The following SLCO1B3 variants were observed in gnomAD, a reference collection of about 807,000 sequenced individuals.
The protein encoded by SLCO1B3 is liver-specific organic anion transporter 2.
Under a neutral mutation model 71.8 loss-of-function variants are expected in SLCO1B3, and 72 were observed. The observed-to-expected ratio is 1.00, with a 90% CI of 0.83 to 1.22. The LOEUF (loss-of-function observed/expected upper bound fraction) is 1.22. SLCO1B3 is among the 50% of genes most tolerant of loss of function. SLCO1B3 has a pLI of 0.00. For missense variants in SLCO1B3, 911 were observed against 819.7 expected, an observed-to-expected ratio of 1.11 and a Z score of -1.36; for synonymous variants, 298 against 278.4, an observed-to-expected ratio of 1.07 and a Z score of -0.70.
chr12:20,895,879 A>G (rs60078687), intron 13 of SLCO1B3, among the ~76,000 whole-genome samples: 4,899 of 152,196 alleles, frequency 0.032, 239 homozygotes, highest in African/African-American at 0.11. Context: ...ATTTCCATAC[A>G]TCTTCTGAAA....
chr12:20,887,012 CT>C (rs1452095492), intron 13 of SLCO1B3, among the ~76,000 whole-genome samples: 2 of 151,950 alleles, frequency 1.3e-5, no homozygotes, highest in African/African-American at 2.4e-5. Flanking sequence ...GGATAATGGC[CT>C]CCATTTCTAT....
chr12:20,860,022 C>T (rs1404471168), intron 5 of SLCO1B3, among the ~76,000 whole-genome samples: 3 of 141,314 alleles, frequency 2.1e-5, no homozygotes, highest in Non-Finnish European at 4.5e-5. Context: ...GTGGCGCGAT[C>T]TCGGCTCACT....
Position 20,862,830 on chromosome 12 carries a change from G to C in SLCO1B3, c.703G>C (p.Val235Leu). The C allele has an allele frequency of 6.3e-6, 10 of 1,594,916 alleles. No homozygotes were observed. Among genetic ancestry groups the C allele is most frequent in the Non-Finnish European group, 8.6e-6 (10 of 1,162,588 alleles). ...ALGSLFAKMY[V>L]DIGYVDLSTI... ...GGGATCTCTGTTTGCTAAAATGTAC[G>C]TGGATATTGGATATGTAGATCTGAG... The change falls in exon 8 of 16, where the codon GTG becomes CTG. Residue 235 changes from valine (V) to leucine (L), a missense_variant. Val to Leu is a conservative substitution (Grantham distance 32). Transcript: ENST00000381545.
intron 15 of SLCO1B3, chr12:20,901,852 T>A (rs1299377090): frequency 4.7e-6 from 2 of 426,438 alleles, no homozygotes; most frequent in Middle Eastern, 3.4e-4. Context: ...ATATGGTAAT[T>A]GAGGAAAGAA....
At chr12:20,851,209 T>C (rs182877139) in intron 3 of SLCO1B3, among the ~76,000 whole-genome samples, 37 of 152,294 alleles carry the variant, frequency 2.4e-4, no homozygotes, top group African/African-American at 8.4e-4. Flanking sequence ...ATGGCTTCTA[T>C]GGTAATTCTG....
At chr12:20,865,019 T>C (rs916338962) in intron 8 of SLCO1B3, among the ~76,000 whole-genome samples, 5 of 152,216 alleles carry the variant, frequency 3.3e-5, no homozygotes, top group African/African-American at 1.2e-4. Flanking sequence ...GGCTTTCTGA[T>C]TGGTTTTCCA....
chr12:20,869,821 C>G (rs1418053193), intron 8 of SLCO1B3, among the ~76,000 whole-genome samples: 2 of 152,216 alleles, frequency 1.3e-5, no homozygotes, highest in East Asian at 3.9e-4. Context: ...CTGTGAGATC[C>G]TAATTTCGAT....
chr12:20,834,711 T>TG (rs1864637008), intron 3 of SLCO1B3, among the ~76,000 whole-genome samples: 1 of 152,092 alleles, frequency 6.6e-6, no homozygotes, highest in Admixed American at 6.5e-5. Context: ...CCTGTGGCTT[T>TG]GCAGGGAACA....
intron 15 of SLCO1B3, among the ~76,000 whole-genome samples, chr12:20,911,371 C>T (rs906833957): frequency 6.6e-6 from 1 of 152,050 alleles, no homozygotes; most frequent in Non-Finnish European, 1.5e-5. Context: ...ACTTCTGCAC[C>T]TGTATTTGTG....
chr12:20,852,084 A>AT lies in SLCO1B3; in HGVS notation c.85-2943dup, dbSNP rs567337089. On this transcript the variant is annotated intron_variant, in intron 3 of 15. Transcript: ENST00000381545. ...CTGCAGTATATTTTGAAAACAGGAA[A>AT]TATGAAGCATCCAGCTGTGTTATTC... Among the ~76,000 whole-genome samples the AT allele has an allele frequency of 8.2e-4, 125 of 152,322 alleles. 2 individuals carry two copies. The South Asian group carries it at 0.025, about 30-fold the overall frequency.
At chr12:20,849,744 C>T (rs11612771) in intron 3 of SLCO1B3, among the ~76,000 whole-genome samples, 3,177 of 148,016 alleles carry the variant, frequency 0.021, 53 homozygotes, top group South Asian at 0.051. Context: ...CACACACACA[C>T]ATATTACTTG....
chr12:20,893,666 C>G (rs1425796245), intron 13 of SLCO1B3, among the ~76,000 whole-genome samples: 1 of 152,008 alleles, frequency 6.6e-6, no homozygotes, highest in African/African-American at 2.4e-5. Flanking sequence ...AATGTAGGAA[C>G]TAAATATTTT....
At chr12:20,834,041 ATATT>A (rs1325125978) in intron 3 of SLCO1B3, among the ~76,000 whole-genome samples, 1 of 141,172 alleles carries the variant, frequency 7.1e-6, no homozygotes, top group South Asian at 2.3e-4. Flanking sequence ...ATGTATTTAT[ATATT>A]ATATGTGTGC....
intron 5 of SLCO1B3, among the ~76,000 whole-genome samples, chr12:20,859,490 T>G (rs114411764): frequency 7.1e-5 from 10 of 140,456 alleles, no homozygotes; most frequent in Admixed American, 3.7e-4. Flanking sequence ...TCTGTTTTTT[T>G]CCCCCTCTAC....
Position 20,916,562 on chromosome 12 carries a change from T to C in SLCO1B3, c.*315T>C, listed in dbSNP as rs1015667225. 1 of 173,098 alleles carries C rather than the reference T, an allele frequency of 5.8e-6. No individual in the cohort carries two copies. The highest frequency in any genetic ancestry group is 2.4e-5 in the African/African-American group (1 of 41,914). The allele number at this position is 173,098 out of a possible 1,614,324, so 10.7% of individuals were successfully genotyped here. A position where few individuals can be genotyped will look rare whatever the true frequency, so the allele number is the denominator to read the frequency against. ...AGGTAAAAAGGACAAGATAGATTAA[T>C]AGCCTAAATAAAGAGAAAAGCCTGA... On this transcript the variant is annotated 3_prime_UTR_variant, in exon 16 of 16. Coordinates refer to ENST00000381545, the MANE Select transcript of SLCO1B3 (RefSeq NM_019844.4).
chr12:20,907,388 C>CCCTCCCTCCCCTTCCTTCTTT, intron 15 of SLCO1B3, among the ~76,000 whole-genome samples: 1 of 148,472 alleles, frequency 6.7e-6, no homozygotes, highest in African/African-American at 2.5e-5. Flanking sequence ...TTTCTTTCCT[C>CCCTCCCTCCCCTTCCTTCTTT]CCTCCCTCCC....
Position 20,916,313 on chromosome 12 carries a change from A to T in SLCO1B3, c.*66A>T. 1 of 1,472,054 alleles carries T rather than the reference A, an allele frequency of 6.8e-7. No homozygotes were observed. 91.2% of individuals were successfully genotyped at this position (1,472,054 alleles called of 1,614,324 possible). ...CTGGTCTTTCACTGACAATTCCAAC[A>T]TTCTTTACTTACAGTGGACCAATGG... is the stretch of plus-strand genomic sequence containing the variant. On this transcript the variant is annotated 3_prime_UTR_variant, in exon 16 of 16. Coordinates refer to ENST00000381545, the MANE Select transcript of SLCO1B3 (RefSeq NM_019844.4).
intron 13 of SLCO1B3, among the ~76,000 whole-genome samples, chr12:20,891,543 C>G (rs1007327248): frequency 5.9e-5 from 9 of 151,994 alleles, no homozygotes; most frequent in African/African-American, 2.2e-4. Context: ...ATCACCTGAG[C>G]TTTTTATATT....
chr12:20,865,502 A>G (rs1865355231), intron 8 of SLCO1B3, among the ~76,000 whole-genome samples: 1 of 151,838 alleles, frequency 6.6e-6, no homozygotes, highest in African/African-American at 2.4e-5. Context: ...TATTTTACTG[A>G]GATAAGAACA....
Sources: allele counts gnomAD v4.1 joint callset (sites outside exome capture counted in the v4.1 genomes callset), GRCh38; gene constraint gnomAD v4.1.1; transcripts MANE v1.5; gene names NCBI Gene and HGNC (gene_info 2026-07-23, HGNC 2026-07-21).